The following SRGAP2 variants were observed in gnomAD, a reference collection of about 807,000 sequenced individuals.
SRGAP2 encodes SLIT-ROBO Rho GTPase-activating protein 2.
In SRGAP2, 15 loss-of-function variants were observed where a neutral mutation model predicts 57.2. The ratio of observed to expected loss-of-function variants is 0.26; its 90% confidence interval spans 0.18 to 0.40. The LOEUF is 0.40. SRGAP2 is among the 10% of genes least tolerant of loss of function. SRGAP2 has a pLI of 1.00. For missense variants in SRGAP2, 520 were observed against 669.6 expected (o/e 0.78, Z 2.47); for synonymous variants, 249 against 248.0 (o/e 1.00, Z -0.04).
At chr1:206,385,004 CTTTG>C (rs1405355310) in intron 5 of SRGAP2, among the ~76,000 whole-genome samples, 2 of 148,388 alleles carry the variant, frequency 1.3e-5, no homozygotes, top group Admixed American at 6.7e-5. Flanking sequence ...TCTTTTCTTC[CTTTG>C]TTTTTTTTTT....
At chr1:206,220,950 T>C (rs1338589068) in intron 2 of SRGAP2, among the ~76,000 whole-genome samples, 2 of 144,942 alleles carry the variant, frequency 1.4e-5, no homozygotes, top group Non-Finnish European at 3.0e-5. Flanking sequence ...GTTGTCTTTT[T>C]TTTTTTTTTG....
intron 21 of SRGAP2, chr1:206,455,362 G>A: frequency 6.3e-6 from 2 of 316,060 alleles, no homozygotes; most frequent in Non-Finnish European, 6.0e-6. Context: ...ACCTGGTTTT[G>A]TACTGTTTCT....
intron 5 of SRGAP2, among the ~76,000 whole-genome samples, chr1:206,391,297 CA>C (rs1355028684): frequency 3.8e-5 from 5 of 130,302 alleles, no homozygotes; most frequent in African/African-American, 1.5e-4. Context: ...TCCTCCCAAC[CA>C]GTTCAGCTCC....
In SRGAP2 at chr1:206,277,153, C is replaced by T. The variant is rs1201260626; in HGVS notation, c.68-26128C>T. ...CTAATTTTTGTATTTTTAGTAGAGA[C>T]GAGATTTCTCCATGTTGTTCAGGCC... is the stretch of plus-strand genomic sequence containing the variant. On this transcript the variant is annotated intron_variant, in intron 2 of 22. Coordinates refer to ENST00000573034, the MANE Select transcript of SRGAP2 (RefSeq NM_015326.5). Among the ~76,000 whole-genome samples, 239 of 148,884 alleles carry T rather than the reference C, an allele frequency of 1.6e-3. 2 individuals carry two copies. The highest frequency in any genetic ancestry group is 5.3e-3 in the African/African-American group (215 of 40,362).
intron 14 of SRGAP2, among the ~76,000 whole-genome samples, chr1:206,434,687 A>G (rs1304371038): frequency 6.6e-6 from 1 of 152,214 alleles, no homozygotes; most frequent in Non-Finnish European, 1.5e-5. Flanking sequence ...CCTCCAAAAC[A>G]TAAGTTCTCA....
chr1:206,418,809 A>G, intron 11 of SRGAP2, among the ~76,000 whole-genome samples: 1 of 152,022 alleles, frequency 6.6e-6, no homozygotes, highest in East Asian at 1.9e-4. Flanking sequence ...TTTACTATGA[A>G]TCTAAAGCTA....
intron 10 of SRGAP2, among the ~76,000 whole-genome samples, chr1:206,409,629 A>G (rs1438001406): frequency 6.6e-6 from 1 of 152,036 alleles, no homozygotes; most frequent in Non-Finnish European, 1.5e-5. Flanking sequence ...TAAAAACACA[A>G]AAATTAGCTG....
At chr1:206,254,732 T>C (rs1480591025) in intron 2 of SRGAP2, among the ~76,000 whole-genome samples, 5 of 150,634 alleles carry the variant, frequency 3.3e-5, no homozygotes, top group African/African-American at 1.2e-4. Context: ...GTTTGGGCTC[T>C]AGGACTGAAT....
Position 206,281,913 on chromosome 1 carries a change from C to CAA in SRGAP2, c.68-21358_68-21357dup, listed in dbSNP as rs1472632032. ...TGGGCGACAGAGTGAGACTCCGTCA[C>CAA]AAAAAAAAAAACAAAAAAAAACCTT... On this transcript the variant is annotated intron_variant, in intron 2 of 22. Transcript: ENST00000573034. Among the ~76,000 whole-genome samples the CAA allele has an allele frequency of 1.0e-3, 107 of 106,244 alleles. 1 individual carries two copies. Among genetic ancestry groups the CAA allele is most frequent in the African/African-American group, 5.0e-3 (102 of 20,446 alleles). The allele number at this position is 106,244 out of a possible 152,430, so 69.7% of individuals were successfully genotyped here.
At chr1:206,238,906 G>T (rs1668042533) in intron 2 of SRGAP2, among the ~76,000 whole-genome samples, 1 of 147,226 alleles carries the variant, frequency 6.8e-6, no homozygotes, top group Non-Finnish European at 1.5e-5. Flanking sequence ...TTGTGAACAA[G>T]CTGCTTGCAG....
chr1:206,280,115 A>G (rs1670646958), intron 2 of SRGAP2, among the ~76,000 whole-genome samples: 2 of 151,862 alleles, frequency 1.3e-5, no homozygotes, highest in Non-Finnish European at 2.9e-5. Flanking sequence ...CTGATTTTGT[A>G]TTTTTTTTTC....
intron 13 of SRGAP2, 140 bp downstream of exon 13, chr1:206,421,414 T>C (rs1553364317): frequency 1.2e-5 from 6 of 492,086 alleles, no homozygotes; most frequent in Admixed American, 1.2e-4. Flanking sequence ...AGTCATAGTA[T>C]GTTTAATATG....
chr1:206,381,146 G>A (rs1479319212), intron 4 of SRGAP2, among the ~76,000 whole-genome samples: 1 of 152,222 alleles, frequency 6.6e-6, no homozygotes, highest in Non-Finnish European at 1.5e-5. Flanking sequence ...CAACTAATCA[G>A]TACATGAAAG....
chr1:206,251,702 C>CTT (rs1180655419), intron 2 of SRGAP2, among the ~76,000 whole-genome samples: 7 of 66,360 alleles, frequency 1.1e-4, no homozygotes, highest in East Asian at 6.4e-4. Flanking sequence ...CCCCTTGGTT[C>CTT]TTTTTTTTTT....
intron 3 of SRGAP2, among the ~76,000 whole-genome samples, chr1:206,310,748 C>A (rs138210361): frequency 2.8e-4 from 43 of 152,318 alleles, no homozygotes; most frequent in African/African-American, 1.0e-3. Flanking sequence ...TGGTACCTGG[C>A]AGTCAGCATC....
chr1:206,430,760 C>T (rs141450449), intron 14 of SRGAP2, among the ~76,000 whole-genome samples: 87 of 152,358 alleles, frequency 5.7e-4, no homozygotes, highest in African/African-American at 2.0e-3. Flanking sequence ...TCTGCAGAGG[C>T]AGGCTGCTTC....
intron 2 of SRGAP2, among the ~76,000 whole-genome samples, chr1:206,295,570 A>G (rs1267523602): frequency 1.9e-4 from 29 of 150,912 alleles, no homozygotes; most frequent in African/African-American, 6.6e-4. Context: ...AAGCCTGACT[A>G]TAGTAATGGG....
rs566753455 is a variant in SRGAP2 at position 206,451,402 on chromosome 1, G to A, written c.2179+937G>A. Among the ~76,000 whole-genome samples, 95 of 152,172 alleles carry A rather than the reference G, an allele frequency of 6.2e-4. 1 individual carries two copies. The highest frequency in any genetic ancestry group is 2.0e-3 in the African/African-American group (84 of 41,510). On this transcript the variant is annotated intron_variant, in intron 19 of 22. Transcript: ENST00000573034. ...TCTGTCCAGCCAGCACATTTCCCCC[G>A]CTTCCAACAGCTCCACACCTCCTCT...
intron 21 of SRGAP2, among the ~76,000 whole-genome samples, chr1:206,457,879 T>G (rs1025197347): frequency 6.6e-6 from 1 of 152,234 alleles, no homozygotes; most frequent in Non-Finnish European, 1.5e-5. Context: ...TTTTCAGATC[T>G]GATTCCAAGA....
Sources: allele counts gnomAD v4.1 joint callset (sites outside exome capture counted in the v4.1 genomes callset), GRCh38; gene constraint gnomAD v4.1.1; transcripts MANE v1.5; gene names NCBI Gene and HGNC (gene_info 2026-07-23, HGNC 2026-07-21).